The following PCDH9 variants were observed in gnomAD, a reference collection of about 807,000 sequenced individuals.
The protein encoded by PCDH9 is protocadherin-9.
A neutral mutation model predicts 70.6 loss-of-function variants in PCDH9; 24 were observed. The observed-to-expected ratio is 0.34, with a 90% CI of 0.25 to 0.48. The LOEUF (loss-of-function observed/expected upper bound fraction) is 0.48, where lower values mean the gene tolerates loss of function less well. Ranked by LOEUF, PCDH9 falls within the 20% of genes least tolerant of loss-of-function variation. The probability of loss-of-function intolerance (pLI) is 0.99; values close to 1 mark genes in which losing one functional copy is unlikely to be tolerated. For missense variants in PCDH9, 1,281 were observed against 1,503.6 expected, an observed-to-expected ratio of 0.85 and a Z score of 2.45; for synonymous variants, 562 against 558.5, an observed-to-expected ratio of 1.01 and a Z score of -0.09.
chr13:67,037,594 A>G (rs2085035257), intron 2 of PCDH9, among the ~76,000 whole-genome samples: 1 of 152,210 alleles, frequency 6.6e-6, no homozygotes. Context: ...AGGAATTTTC[A>G]GGTTTATGTT....
At chr13:66,468,111 C>A (rs1188877028) in intron 4 of PCDH9, among the ~76,000 whole-genome samples, 1 of 151,984 alleles carries the variant, frequency 6.6e-6, no homozygotes, top group Non-Finnish European at 1.5e-5. Context: ...ATTTAACATG[C>A]CCAAAAGTGT....
chr13:66,338,595 A>G (rs1304482386), intron 4 of PCDH9, among the ~76,000 whole-genome samples: 2 of 151,090 alleles, frequency 1.3e-5, no homozygotes, highest in South Asian at 2.1e-4. Flanking sequence ...TGGCAGATGA[A>G]CCCTTTCTCT....
At chr13:66,499,970 C>A (rs1040826199) in intron 4 of PCDH9, among the ~76,000 whole-genome samples, 2 of 152,204 alleles carry the variant, frequency 1.3e-5, no homozygotes, top group African/African-American at 4.8e-5. Flanking sequence ...CTAAGGCTAT[C>A]ACCAGAAGCA....
At chr13:66,667,683 A>C (rs1566493019) in intron 3 of PCDH9, among the ~76,000 whole-genome samples, 1 of 152,144 alleles carries the variant, frequency 6.6e-6, no homozygotes. Flanking sequence ...TCTTTTTGCC[A>C]TAGAGGACTG....
chr13:66,541,234 T>A (rs536112501), intron 4 of PCDH9, among the ~76,000 whole-genome samples: 1 of 152,272 alleles, frequency 6.6e-6, no homozygotes, highest in South Asian at 2.1e-4. Flanking sequence ...TTCTCTCAGA[T>A]GGCACAAAAG....
At chr13:67,195,368 C>A (rs1263188718) in intron 2 of PCDH9, among the ~76,000 whole-genome samples, 1 of 152,088 alleles carries the variant, frequency 6.6e-6, no homozygotes, top group East Asian at 1.9e-4. Flanking sequence ...TGGTCTCGAT[C>A]TCCTGACCCT....
chr13:66,749,859 A>T (rs189078695), intron 3 of PCDH9, among the ~76,000 whole-genome samples: 1 of 152,258 alleles, frequency 6.6e-6, no homozygotes, highest in East Asian at 1.9e-4. Flanking sequence ...CATCCCTTGC[A>T]CCCTAACTCC....
chr13:66,792,123 T>A (rs570503815), intron 3 of PCDH9, among the ~76,000 whole-genome samples: 12 of 152,220 alleles, frequency 7.9e-5, no homozygotes, highest in Non-Finnish European at 1.8e-4. Flanking sequence ...AGTAATTATA[T>A]GTAAGTCAGT....
chr13:67,220,106 C>A (rs928116067), intron 2 of PCDH9: 3 of 150,996 alleles, frequency 2.0e-5, no homozygotes, highest in Admixed American at 1.3e-4. Context: ...ACAACTGTAA[C>A]GTTCAGCATT....
chr13:66,866,278 A>C (rs7331091), intron 3 of PCDH9, among the ~76,000 whole-genome samples: 13,504 of 151,180 alleles, frequency 0.089, 1,957 homozygotes, highest in African/African-American at 0.31. Context: ...GTCAGGAGAT[A>C]GAGACCATCC....
chr13:66,899,488 A>G (rs1170890110), intron 3 of PCDH9, among the ~76,000 whole-genome samples: 1 of 151,944 alleles, frequency 6.6e-6, no homozygotes, highest in Non-Finnish European at 1.5e-5. Flanking sequence ...TGAACACTAA[A>G]CCATTTTGTA....
intron 4 of PCDH9, among the ~76,000 whole-genome samples, chr13:66,499,463 T>C (rs1959165800): frequency 6.6e-6 from 1 of 152,176 alleles, no homozygotes; most frequent in Non-Finnish European, 1.5e-5. Context: ...CTATGTGACC[T>C]GCACACTTCT....
intron 4 of PCDH9, among the ~76,000 whole-genome samples, chr13:66,405,153 C>T (rs1421916087): frequency 6.6e-6 from 1 of 152,084 alleles, no homozygotes; most frequent in Non-Finnish European, 1.5e-5. Context: ...TTTCCATTTG[C>T]TCTATTTTTT....
chr13:66,876,001 T>C (rs1345347368), intron 3 of PCDH9, among the ~76,000 whole-genome samples: 2 of 152,210 alleles, frequency 1.3e-5, no homozygotes, highest in Non-Finnish European at 2.9e-5. Flanking sequence ...TAAATTTAGA[T>C]ACTGCTGACC....
rs2076834671 is a variant in PCDH9 at position 66,577,709 on chromosome 13, GT to G, written c.3340+53500del. 2.0e-5 allele frequency among the ~76,000 whole-genome samples: 3 copies of G among 151,934 alleles called. No individual in the cohort carries two copies. The South Asian group carries it at 6.2e-4, about 32-fold the overall frequency. On this transcript the variant is annotated intron_variant, in intron 4 of 4. Transcript: ENST00000377865. The stretch of plus-strand genomic sequence containing the variant: ...GGAGATTGCTTTCATATTTTCTTAA[GT>G]TTTTCAGTTCCACTTGAGTTGAAGA...
chr13:66,716,261 G>C (rs968807338), intron 3 of PCDH9, among the ~76,000 whole-genome samples: 12 of 152,194 alleles, frequency 7.9e-5, no homozygotes, highest in Admixed American at 1.3e-4. Flanking sequence ...GTTGGCAAAA[G>C]CAGAAATTCT....
chr13:66,752,911 C>T (rs920359955), intron 3 of PCDH9, among the ~76,000 whole-genome samples: 4 of 152,100 alleles, frequency 2.6e-5, no homozygotes, highest in African/African-American at 9.7e-5. Context: ...AAATGCCAGG[C>T]CTCAGCCATA....
intron 2 of PCDH9, among the ~76,000 whole-genome samples, chr13:67,180,148 A>G (rs949108991): frequency 3.3e-5 from 5 of 152,146 alleles, no homozygotes; most frequent in Non-Finnish European, 7.4e-5. Context: ...AGTGTGATAT[A>G]CTGAGATGCT....
chr13:66,509,748 C>T (rs894176386), intron 4 of PCDH9, among the ~76,000 whole-genome samples: 8 of 152,066 alleles, frequency 5.3e-5, no homozygotes, highest in Admixed American at 1.3e-4. Flanking sequence ...CCACCACACC[C>T]GGCCTGCAAT....
Sources: allele counts gnomAD v4.1 joint callset (sites outside exome capture counted in the v4.1 genomes callset), GRCh38; gene constraint gnomAD v4.1.1; transcripts MANE v1.5; gene names NCBI Gene and HGNC (gene_info 2026-07-23, HGNC 2026-07-21).